RIPK3: variants seen among roughly 807,000 people sequenced by gnomAD.
RIPK3 encodes receptor interacting serine/threonine kinase 3, also known as receptor-interacting serine/threonine-protein kinase 3.
Under a neutral mutation model 51.6 loss-of-function variants are expected in RIPK3, and 51 were observed. The observed-to-expected ratio is 0.99, with a 90% CI of 0.79 to 1.25. The LOEUF (loss-of-function observed/expected upper bound fraction) is 1.25. Among genes scored for constraint, RIPK3 ranks in the 50% most tolerant of loss-of-function variants. The pLI is 0.00. For synonymous variants in RIPK3, 246 were observed against 257.7 expected, an observed-to-expected ratio of 0.95 and a Z score of 0.44; for missense variants, 654 against 650.4, an observed-to-expected ratio of 1.01 and a Z score of -0.06.
intron 5 of RIPK3, 86 bp downstream of exon 5, chr14:24,338,163 G>A (rs1375464608): frequency 6.4e-7 from 1 of 1,557,270 alleles, no homozygotes; most frequent in African/African-American, 1.4e-5. Context: ...GGCAGTCTAA[G>A]TAGGTGAGCG....
intron 3 of RIPK3, chr14:24,338,799 C>G: frequency 4.3e-6 from 3 of 692,272 alleles, no homozygotes; most frequent in South Asian, 3.9e-5. Flanking sequence ...GGTGGGGCAG[C>G]TGGTGGAAAT....
Position 24,337,070 on chromosome 14 carries a change from C to A in RIPK3, c.1275+16G>T. On this transcript the variant is annotated intron_variant, in intron 8 of 9. Transcript: ENST00000216274. ...TAGGACTCTTAGTGCATCCCCTAAT[C>A]CTGTCAATGTCTCACCTGATTCCCT... 6.2e-7 allele frequency: 1 copy of A among 1,612,484 alleles called. No individual in the cohort carries two copies. Among genetic ancestry groups the A allele is most frequent in the Non-Finnish European group, 8.5e-7 (1 of 1,179,468 alleles).
Sources: gnomAD v4.1 joint callset for allele counts on GRCh38, gnomAD v4.1.1 for gene constraint, MANE v1.5 for transcripts, NCBI Gene and HGNC (gene_info 2026-07-23, HGNC 2026-07-21) for gene names.